Variants in NCK2 observed in about 807,000 individuals in gnomAD.
NCK2 encodes cytoplasmic protein NCK2.
Under a neutral mutation model 33.9 loss-of-function variants are expected in NCK2, and 16 were observed. That is an observed-to-expected ratio of 0.47 (90% CI 0.32 to 0.72). NCK2 has a LOEUF of 0.72. NCK2 is among the 30% of genes least tolerant of loss of function. NCK2 has a pLI of 0.03. For synonymous variants in NCK2, 273 were observed against 239.9 expected (o/e 1.14, Z -1.27); for missense variants, 418 against 537.3 (o/e 0.78, Z 2.19).
At chr2:105,806,595 C>G (rs1397113768) in intron 1 of NCK2, among the ~76,000 whole-genome samples, 1 of 152,118 alleles carries the variant, frequency 6.6e-6, no homozygotes, top group Non-Finnish European at 1.5e-5. Context: ...TCTTTATTAG[C>G]CACTTTTAAA....
chr2:105,802,222 G>A, intron 1 of NCK2, among the ~76,000 whole-genome samples: 1 of 152,204 alleles, frequency 6.6e-6, no homozygotes, highest in Admixed American at 6.5e-5. Context: ...ACGGGAAGAT[G>A]TGCACACACC....
At chr2:105,753,353 C>T (rs1241484365) in intron 1 of NCK2, among the ~76,000 whole-genome samples, 1 of 152,172 alleles carries the variant, frequency 6.6e-6, no homozygotes, top group Non-Finnish European at 1.5e-5. Context: ...TCCTCTCCCC[C>T]AGCCCCCTTG....
At chr2:105,773,059 T>A (rs76036943) in intron 1 of NCK2, among the ~76,000 whole-genome samples, 3 of 145,588 alleles carry the variant, frequency 2.1e-5, no homozygotes, top group Non-Finnish European at 3.1e-5. Context: ...ACTCAGCAAA[T>A]TTTTTTTTTT....
chr2:105,774,910 C>T (rs952991306), intron 1 of NCK2, among the ~76,000 whole-genome samples: 1 of 152,070 alleles, frequency 6.6e-6, no homozygotes, highest in African/African-American at 2.4e-5. Flanking sequence ...AAATCATTAC[C>T]AGTCCAGGCA....
At chr2:105,864,035 T>C (rs1677652624) in intron 3 of NCK2, among the ~76,000 whole-genome samples, 1 of 151,574 alleles carries the variant, frequency 6.6e-6, no homozygotes, top group African/African-American at 2.4e-5. Context: ...CGGAAACCCA[T>C]AGGTGTGGGG....
intron 1 of NCK2, among the ~76,000 whole-genome samples, chr2:105,801,803 C>T (rs1251529371): frequency 6.6e-6 from 1 of 152,016 alleles, no homozygotes; most frequent in African/African-American, 2.4e-5. Context: ...TGAGTGTGCA[C>T]CAAAAGCACA....
chr2:105,744,838 A>C (rs1343991812), upstream of NCK2: 2 of 158,750 alleles, frequency 1.3e-5, no homozygotes, highest in African/African-American at 4.9e-5. Context: ...AGCGCGGAGG[A>C]GGCGGGCGCT....
At chr2:105,748,769 G>A (rs370653325) in intron 1 of NCK2, among the ~76,000 whole-genome samples, 110 of 152,032 alleles carry the variant, frequency 7.2e-4, no homozygotes, top group African/African-American at 2.6e-3. Context: ...AACCGCTTGG[G>A]GGCAGACTGG....
chr2:105,857,845 G>A lies in NCK2; in HGVS notation c.226+2556G>A, dbSNP rs900837478. Among the ~76,000 whole-genome samples, 2 of 152,168 alleles carry A rather than the reference G, an allele frequency of 1.3e-5. 1 individual carries two copies. The highest frequency in any genetic ancestry group is 1.3e-4 in the Admixed American group (2 of 15,274). On this transcript the variant is annotated intron_variant, in intron 3 of 4. Transcript: ENST00000233154. ...CTCAGCATGAGTTTTCCCTTGCCCT[G>A]TTGAGCTGCATCCAGTGGAAGAGGA...
chr2:105,875,403 T>C (rs1375902125), intron 3 of NCK2, among the ~76,000 whole-genome samples: 1 of 152,196 alleles, frequency 6.6e-6, no homozygotes, highest in Non-Finnish European at 1.5e-5. Context: ...CATGGAATCC[T>C]GGGACTCATT....
chr2:105,791,159 C>T (rs1473019807), intron 1 of NCK2, among the ~76,000 whole-genome samples: 1 of 152,206 alleles, frequency 6.6e-6, no homozygotes, highest in Non-Finnish European at 1.5e-5. Flanking sequence ...CTCATTTTCT[C>T]ATTTGTTAAA....
chr2:105,747,453 C>G (rs1434502389), intron 1 of NCK2, among the ~76,000 whole-genome samples: 1 of 152,152 alleles, frequency 6.6e-6, no homozygotes, highest in African/African-American at 2.4e-5. Flanking sequence ...CTGCGAGGCT[C>G]TATGGGACAC....
intron 3 of NCK2, among the ~76,000 whole-genome samples, chr2:105,876,329 T>TGG (rs1473300403): frequency 6.6e-6 from 1 of 152,324 alleles, no homozygotes; most frequent in South Asian, 2.1e-4. Flanking sequence ...AAGGGCAGGA[T>TGG]GGGAGGCATT....
At chr2:105,747,323 G>T (rs1165201091) in intron 1 of NCK2, among the ~76,000 whole-genome samples, 1 of 152,162 alleles carries the variant, frequency 6.6e-6, no homozygotes, top group African/African-American at 2.4e-5. Flanking sequence ...AATCTTCCTT[G>T]CATGTGCACA....
chr2:105,795,739 G>A (rs541513458), intron 1 of NCK2, among the ~76,000 whole-genome samples: 3 of 152,220 alleles, frequency 2.0e-5, no homozygotes, highest in South Asian at 2.1e-4. Context: ...TTACCGAAAC[G>A]TCTGTATGCC....
At chr2:105,779,630 G>A (rs1690422074) in intron 1 of NCK2, among the ~76,000 whole-genome samples, 1 of 152,176 alleles carries the variant, frequency 6.6e-6, no homozygotes, top group Admixed American at 6.5e-5. Flanking sequence ...AGATGGAAAG[G>A]AGAGCTTGCT....
chr2:105,787,233 C>G (rs1395900576), intron 1 of NCK2, among the ~76,000 whole-genome samples: 1 of 152,218 alleles, frequency 6.6e-6, no homozygotes, highest in Non-Finnish European at 1.5e-5. Context: ...AGGGGCAGGA[C>G]CCAGTCTCAG....
chr2:105,783,979 C>T (rs963358587), intron 1 of NCK2, among the ~76,000 whole-genome samples: 4 of 152,244 alleles, frequency 2.6e-5, no homozygotes, highest in Non-Finnish European at 5.9e-5. Flanking sequence ...CTTTGCAGGT[C>T]ACTGAGTAAG....
chr2:105,804,817 T>TCA lies in NCK2; in HGVS notation c.-200-11613_-200-11612insCA, dbSNP rs1237128582. Among the ~76,000 whole-genome samples the TCA allele has an allele frequency of 2.0e-5, 3 of 152,356 alleles. No individual in the cohort carries two copies. In the East Asian group the frequency reaches 5.8e-4, roughly 29 times the overall value. ...ATCTGTATTTAAGGCTCCACGTTGA[T>TCA]ATTCATGGCCTGGCCTAGAGGCACA... On this transcript the variant is annotated intron_variant, in intron 1 of 4. Coordinates refer to ENST00000233154, the MANE Select transcript of NCK2 (RefSeq NM_003581.5).
Sources: allele counts gnomAD v4.1 joint callset (sites outside exome capture counted in the v4.1 genomes callset), GRCh38; gene constraint gnomAD v4.1.1; transcripts MANE v1.5; gene names NCBI Gene and HGNC (gene_info 2026-07-23, HGNC 2026-07-21).